UNC13C: variants seen among roughly 807,000 people sequenced by gnomAD.
The protein encoded by UNC13C is unc-13 homolog C, also known as protein unc-13 homolog C.
A neutral mutation model predicts 245.4 loss-of-function variants in UNC13C; 174 were observed. The ratio of observed to expected loss-of-function variants is 0.71; its 90% CI spans 0.63 to 0.80. The LOEUF (loss-of-function observed/expected upper bound fraction) is 0.80. Among genes scored for constraint, UNC13C ranks in the 30% least tolerant of loss-of-function variants. The pLI is 0.00. For missense variants in UNC13C, 2,829 were observed against 2,602.9 expected (o/e 1.09, Z -1.89); for synonymous variants, 992 against 895.1 (o/e 1.11, Z -1.93).
chr15:54,622,643 T>C (rs1316626196), intron 31 of UNC13C, among the ~76,000 whole-genome samples: 1 of 152,120 alleles, frequency 6.6e-6, no homozygotes, highest in Non-Finnish European at 1.5e-5. Flanking sequence ...ACTGATTAAA[T>C]ATCCAAACTT....
At chr15:54,592,130 T>G (rs1033012853) in intron 30 of UNC13C, among the ~76,000 whole-genome samples, 5 of 152,198 alleles carry the variant, frequency 3.3e-5, no homozygotes, top group Non-Finnish European at 7.4e-5. Flanking sequence ...GGAGTTTAGT[T>G]CCAGTTTTAT....
At chr15:54,025,694 C>T (rs994476762) in intron 2 of UNC13C, among the ~76,000 whole-genome samples, 3 of 152,090 alleles carry the variant, frequency 2.0e-5, no homozygotes, top group African/African-American at 4.8e-5. Context: ...TTGATTTACC[C>T]GACAGCACCA....
At chr15:54,177,309 T>A (rs1254268700) in intron 4 of UNC13C, among the ~76,000 whole-genome samples, 2 of 152,124 alleles carry the variant, frequency 1.3e-5, no homozygotes, top group Non-Finnish European at 2.9e-5. Flanking sequence ...AATGACTGCA[T>A]TGATTCGTTG....
chr15:54,490,260 G>C (rs1296821282), intron 19 of UNC13C, among the ~76,000 whole-genome samples: 1 of 152,138 alleles, frequency 6.6e-6, no homozygotes, highest in Non-Finnish European at 1.5e-5. Flanking sequence ...AATAAAACTA[G>C]TTTTAATTCT....
At chr15:54,031,275 G>A (rs1896346541) in intron 2 of UNC13C, among the ~76,000 whole-genome samples, 1 of 152,236 alleles carries the variant, frequency 6.6e-6, no homozygotes, top group Non-Finnish European at 1.5e-5. Context: ...CCAGGCTGGA[G>A]TGCAGTGGCA....
At chr15:54,447,554 T>G (rs1244743623) in intron 19 of UNC13C, among the ~76,000 whole-genome samples, 1 of 152,256 alleles carries the variant, frequency 6.6e-6, no homozygotes, top group Non-Finnish European at 1.5e-5. Flanking sequence ...TCTAGTTTAT[T>G]TGCATAGAGG....
intron 1 of UNC13C, among the ~76,000 whole-genome samples, chr15:53,999,995 A>T (rs998647864): frequency 6.6e-6 from 1 of 152,080 alleles, no homozygotes; most frequent in Admixed American, 6.5e-5. Context: ...GCATATGAAT[A>T]AAGCATATCT....
In UNC13C at chr15:54,567,289, G is replaced by A. The variant is rs183135061; in HGVS notation, c.5959-511G>A. ...GGATTTCCAAGGACCACTCTGCTTC[G>A]TCAGGTTGGCCTATATCTGCACCAC... On this transcript the variant is annotated intron_variant, in intron 29 of 32. Coordinates refer to ENST00000260323, the MANE Select transcript of UNC13C (RefSeq NM_001080534.3). Among the ~76,000 whole-genome samples the A allele has an allele frequency of 7.9e-5, 12 of 152,158 alleles. No homozygotes were observed. In the South Asian group the frequency reaches 8.3e-4, roughly 11 times the overall value.
At chr15:53,958,951 C>T in the UNC13C span, among the ~76,000 whole-genome samples, 4 of 152,108 alleles carry the variant, frequency 2.6e-5, no homozygotes, top group African/African-American at 9.7e-5. Context: ...TACTTCCACC[C>T]TGCTTGCCCT....
At chr15:54,385,817 A>T (rs920091827) in intron 17 of UNC13C, among the ~76,000 whole-genome samples, 2 of 152,048 alleles carry the variant, frequency 1.3e-5, no homozygotes, top group Admixed American at 1.3e-4. Flanking sequence ...ACTCACATGT[A>T]CCCCATAAAT....
At chr15:54,371,982 A>G (rs2039496854) in intron 17 of UNC13C, among the ~76,000 whole-genome samples, 1 of 152,152 alleles carries the variant, frequency 6.6e-6, no homozygotes, top group Admixed American at 6.5e-5. Flanking sequence ...TGATCAAAGC[A>G]CACAAGTTTT....
intron 17 of UNC13C, among the ~76,000 whole-genome samples, chr15:54,351,437 G>T (rs2038980362): frequency 6.6e-6 from 1 of 152,108 alleles, no homozygotes; most frequent in South Asian, 2.1e-4. Context: ...ACTACAGTAT[G>T]TAAAAAATCT....
At chr15:54,382,121 A>G (rs971101857) in intron 17 of UNC13C, among the ~76,000 whole-genome samples, 1 of 152,202 alleles carries the variant, frequency 6.6e-6, no homozygotes, top group Non-Finnish European at 1.5e-5. Flanking sequence ...TACTTGGAAA[A>G]CAAACAACAC....
intron 29 of UNC13C, among the ~76,000 whole-genome samples, chr15:54,564,224 A>G (rs1206724416): frequency 6.6e-6 from 1 of 152,038 alleles, no homozygotes; most frequent in Non-Finnish European, 1.5e-5. Context: ...AAATGCACTC[A>G]AAAGACAAAG....
At chr15:54,067,515 T>G (rs1898129160) in intron 2 of UNC13C, among the ~76,000 whole-genome samples, 1 of 152,216 alleles carries the variant, frequency 6.6e-6, no homozygotes, top group African/African-American at 2.4e-5. Context: ...AAAGCTTGTC[T>G]CTATGATAAT....
intron 4 of UNC13C, among the ~76,000 whole-genome samples, chr15:54,203,474 A>ATATG (rs1555430842): frequency 3.8e-5 from 5 of 133,154 alleles, no homozygotes; most frequent in African/African-American, 1.4e-4. Context: ...GTGTGTGTAT[A>ATATG]TGTGTGTGTG....
At position 54,511,790 on chromosome 15, in the gene UNC13C, T is replaced by C; in HGVS notation, c.5417T>C (p.Val1806Ala). 1 of 1,610,110 alleles carries C rather than the reference T, an allele frequency of 6.2e-7. No homozygotes were observed. The highest frequency in any genetic ancestry group is 8.5e-7 in the Non-Finnish European group (1 of 1,178,224). ...ILMNNIQQLR[V>A]QLEKMFESMG... ...ATGAACAATATTCAACAATTGCGGG[T>C]CCAGCTGGAAAAAATGTTTGAATCC... The change falls in exon 24 of 33, where the codon GTC becomes GCC. Residue 1806 changes from valine to alanine, a missense_variant. Transcript: ENST00000260323.
At chr15:54,115,798 C>T (rs1303220435) in intron 2 of UNC13C, among the ~76,000 whole-genome samples, 1 of 151,982 alleles carries the variant, frequency 6.6e-6, no homozygotes, top group Admixed American at 6.6e-5. Flanking sequence ...AGTAGGGATA[C>T]TGAGATGAAT....
chr15:54,555,393 A>G (rs1188366977), intron 28 of UNC13C, 39 bp from the exon 29 acceptor site: 3 of 1,560,078 alleles, frequency 1.9e-6, no homozygotes, highest in Non-Finnish European at 2.6e-6. Flanking sequence ...GAATACATGA[A>G]CTGGTTGTTT....
Sources: allele counts gnomAD v4.1 joint callset (sites outside exome capture counted in the v4.1 genomes callset), GRCh38; gene constraint gnomAD v4.1.1; transcripts MANE v1.5; gene names NCBI Gene and HGNC (gene_info 2026-07-23, HGNC 2026-07-21).